Variants in IGF1R observed in about 807,000 individuals in gnomAD.
IGF1R encodes insulin like growth factor 1 receptor.
Under a neutral mutation model 144.6 loss-of-function variants are expected in IGF1R, and 44 were observed. That is an observed-to-expected ratio of 0.30 (90% CI 0.24 to 0.39). IGF1R has a LOEUF of 0.39. Ranked by LOEUF, IGF1R falls within the 10% of genes least tolerant of loss-of-function variation. The pLI, the probability that IGF1R is intolerant of heterozygous loss-of-function variation, is 1.00. For synonymous variants in IGF1R, 795 were observed against 722.8 expected (o/e 1.10, Z -1.60); for missense variants, 1,355 against 1,833.7 (o/e 0.74, Z 4.77).
At chr15:98,854,508 A>G (rs1324439932) in intron 2 of IGF1R, among the ~76,000 whole-genome samples, 1 of 152,050 alleles carries the variant, frequency 6.6e-6, no homozygotes. Flanking sequence ...GCGGCCCTTC[A>G]TATGAGCTTT....
At chr15:98,943,293 T>C (rs1174155589) in intron 19 of IGF1R, among the ~76,000 whole-genome samples, 1 of 152,248 alleles carries the variant, frequency 6.6e-6, no homozygotes, top group Non-Finnish European at 1.5e-5. Flanking sequence ...CTTTCCGCCT[T>C]CAGCAGATAC....
intron 1 of IGF1R, among the ~76,000 whole-genome samples, chr15:98,654,523 G>GA (rs1343475750): frequency 6.6e-6 from 1 of 152,164 alleles, no homozygotes; most frequent in African/African-American, 2.4e-5. Flanking sequence ...TTAAAAGCGT[G>GA]AGGGAGTAAG....
intron 2 of IGF1R, among the ~76,000 whole-genome samples, chr15:98,795,875 C>T (rs891108271): frequency 2.0e-5 from 3 of 152,180 alleles, no homozygotes; most frequent in South Asian, 2.1e-4. Flanking sequence ...GCCTTCTTAC[C>T]AAGTAATTTG....
Position 98,686,264 on chromosome 15 carries a change from T to C in IGF1R, c.95-21298T>C, listed in dbSNP as rs55924617. Among the ~76,000 whole-genome samples, 674 of 152,390 alleles carry C rather than the reference T, an allele frequency of 4.4e-3. 2 individuals carry two copies. Among genetic ancestry groups the C allele is most frequent in the African/African-American group, 0.015 (634 of 41,590 alleles). On this transcript the variant is annotated intron_variant, in intron 1 of 20. Transcript: ENST00000650285. ...TATTTAATAATATATGTATGTGTGA[T>C]AACACATTTATATAATGTCCATTAC...
At chr15:98,871,318 G>T (rs747236335) in intron 2 of IGF1R, among the ~76,000 whole-genome samples, 1 of 152,196 alleles carries the variant, frequency 6.6e-6, no homozygotes, top group Non-Finnish European at 1.5e-5. Context: ...GAGCATTTCA[G>T]GATGCCTGTC....
intron 14 of IGF1R, among the ~76,000 whole-genome samples, chr15:98,929,931 G>A (rs2015874345): frequency 6.6e-6 from 1 of 152,198 alleles, no homozygotes; most frequent in Non-Finnish European, 1.5e-5. Context: ...CAAACGCGAT[G>A]CGCTAGCCTT....
At chr15:98,845,243 G>A (rs1200862193) in intron 2 of IGF1R, among the ~76,000 whole-genome samples, 1 of 152,190 alleles carries the variant, frequency 6.6e-6, no homozygotes, top group Non-Finnish European at 1.5e-5. Flanking sequence ...TTGCGCCTCA[G>A]TATTTAGTTT....
chr15:98,825,675 C>T (rs1375263956), intron 2 of IGF1R, among the ~76,000 whole-genome samples: 1 of 152,188 alleles, frequency 6.6e-6, no homozygotes, highest in Admixed American at 6.5e-5. Flanking sequence ...GGAACCGATC[C>T]CTGGTGCCAA....
rs559300127 is a variant in IGF1R, at chr15:98,962,130, C to A, written c.*4688C>A. 8.6e-5 allele frequency: 20 copies of A among 233,314 alleles called. No individual in the cohort carries two copies. The South Asian group carries it at 1.8e-3, about 21-fold the overall frequency. The allele number at this position is 233,314 out of a possible 1,614,324, so 14.5% of individuals were successfully genotyped here. On this transcript the variant is annotated 3_prime_UTR_variant, in exon 21 of 21. Coordinates refer to ENST00000650285, the MANE Select transcript of IGF1R (RefSeq NM_000875.5). ...CTCTGTGGCAAGATCACACTGAGATCGATGGGTGAGAAGGCTAGGATGCTT... is the reference window on the plus strand; with the variant it reads ...CTCTGTGGCAAGATCACACTGAGATAGATGGGTGAGAAGGCTAGGATGCTT...
chr15:98,725,375 G>GA (rs1319201389), intron 2 of IGF1R, among the ~76,000 whole-genome samples: 1 of 152,154 alleles, frequency 6.6e-6, no homozygotes, highest in African/African-American at 2.4e-5. Context: ...CCATGTTGAT[G>GA]AAAGGGCATC....
At chr15:98,668,697 C>T (rs1016136287) in intron 1 of IGF1R, among the ~76,000 whole-genome samples, 2 of 152,216 alleles carry the variant, frequency 1.3e-5, no homozygotes, top group Non-Finnish European at 2.9e-5. Flanking sequence ...ATTTCACTCT[C>T]TGAAAACTCT....
At chr15:98,749,457 G>A (rs865946331) in intron 2 of IGF1R, among the ~76,000 whole-genome samples, 3 of 152,118 alleles carry the variant, frequency 2.0e-5, no homozygotes, top group South Asian at 2.1e-4. Context: ...ACCTGGTAAC[G>A]CAATTGAGAA....
At chr15:98,773,464 G>GTGC (rs2055640952) in intron 2 of IGF1R, among the ~76,000 whole-genome samples, 1 of 152,182 alleles carries the variant, frequency 6.6e-6, no homozygotes, top group South Asian at 2.1e-4. Flanking sequence ...CAAGAAGTAT[G>GTGC]TGCAGTTTCA....
chr15:98,888,484 G>T (rs116799238), intron 2 of IGF1R, among the ~76,000 whole-genome samples: 12 of 149,234 alleles, frequency 8.0e-5, no homozygotes, highest in African/African-American at 2.7e-4. Flanking sequence ...AAATATGCTA[G>T]GTTTGTACAT....
At chr15:98,888,438 A>AGAGAGAGAGTGTGTGT (rs1555457179) in intron 2 of IGF1R, among the ~76,000 whole-genome samples, 2 of 143,354 alleles carry the variant, frequency 1.4e-5, no homozygotes, top group Admixed American at 7.0e-5. Flanking sequence ...AGAGAGAGAG[A>AGAGAGAGAGTGTGTGT]GTGTGTGTGT....
Position 98,915,440 on chromosome 15 carries a change from C to T in IGF1R, c.1829-524C>T, listed in dbSNP as rs2015201143. Among the ~76,000 whole-genome samples, 3 of 152,208 alleles carry T rather than the reference C, an allele frequency of 2.0e-5. No individual in the cohort carries two copies. The South Asian group carries it at 6.2e-4, about 32-fold the overall frequency. ...GCCTCTCCCCCATCCCTCTTACACA[C>T]AGCTGTGACATGGGCATGCACACTC... On this transcript the variant is annotated intron_variant, in intron 8 of 20. Transcript: ENST00000650285.
intron 2 of IGF1R, among the ~76,000 whole-genome samples, chr15:98,848,567 A>G (rs1423365751): frequency 2.0e-5 from 3 of 152,208 alleles, no homozygotes; most frequent in African/African-American, 7.2e-5. Flanking sequence ...CTTAAGGAAC[A>G]TCATCCTCTG....
intron 1 of IGF1R, among the ~76,000 whole-genome samples, chr15:98,673,993 C>T (rs1462171098): frequency 1.3e-5 from 2 of 152,190 alleles, no homozygotes; most frequent in South Asian, 4.2e-4. Flanking sequence ...TTAAGGACTT[C>T]GACAAGTTTC....
chr15:98,784,346 C>G (rs1012790300), intron 2 of IGF1R: 3 of 152,376 alleles, frequency 2.0e-5, no homozygotes, highest in Non-Finnish European at 4.4e-5. Flanking sequence ...GGTAATCTTA[C>G]CCCTCTGGGG....
Sources: allele counts gnomAD v4.1 joint callset (sites outside exome capture counted in the v4.1 genomes callset), GRCh38; gene constraint gnomAD v4.1.1; transcripts MANE v1.5; gene names NCBI Gene and HGNC (gene_info 2026-07-23, HGNC 2026-07-21).